The following ELAVL2 variants were observed in gnomAD, a reference collection of about 807,000 sequenced individuals.
ELAVL2 encodes ELAV-like protein 2.
In ELAVL2, 4 loss-of-function variants were observed where a neutral mutation model predicts 34.6. The ratio of observed to expected loss-of-function variants is 0.12; its 90% CI spans 0.06 to 0.26. The LOEUF is 0.26. Ranked by LOEUF, ELAVL2 falls within the 10% of genes least tolerant of loss-of-function variation. The pLI is 1.00. For missense variants in ELAVL2, 432 were observed against 442.8 expected (o/e 0.98, Z 0.22); for synonymous variants, 193 against 154.8 (o/e 1.25, Z -1.83).
At chr9:23,808,466 A>C (rs930351019) in intron 1 of ELAVL2, among the ~76,000 whole-genome samples, 7 of 152,270 alleles carry the variant, frequency 4.6e-5, no homozygotes, top group Non-Finnish European at 8.8e-5. Context: ...TCACATGTAA[A>C]CTGGCAAAAT....
chr9:23,820,838 G>A (rs902883981), intron 1 of ELAVL2, among the ~76,000 whole-genome samples: 7 of 152,210 alleles, frequency 4.6e-5, no homozygotes, highest in Admixed American at 1.3e-4. Context: ...GGCCTCGCCC[G>A]GCAGAGCGCC....
chr9:23,774,478 C>G lies in ELAVL2; in HGVS notation c.-15-12229G>C, dbSNP rs996356161. Among the ~76,000 whole-genome samples the G allele has an allele frequency of 2.6e-5, 4 of 152,220 alleles. No individual in the cohort carries two copies. In the South Asian group the frequency reaches 6.2e-4, roughly 24 times the overall value. ...TGTTAAACTACATTTAGCACAGTCA[C>G]AAACGGTGACTAAGGAAGTTAAAAA... On this transcript the variant is annotated intron_variant, in intron 1 of 6. Transcript: ENST00000397312.
intron 3 of ELAVL2, among the ~76,000 whole-genome samples, chr9:23,725,005 T>C (rs959998585): frequency 6.6e-6 from 1 of 152,174 alleles, no homozygotes; most frequent in Admixed American, 6.6e-5. Context: ...GGTTTTTAAA[T>C]GAGGGGTACT....
chr9:23,754,854 G>A (rs980059331), intron 2 of ELAVL2, among the ~76,000 whole-genome samples: 1 of 151,982 alleles, frequency 6.6e-6, no homozygotes, highest in African/African-American at 2.4e-5. Flanking sequence ...TAAAAGCAGA[G>A]TATAAATTTC....
chr9:23,821,761 G>A (rs905088639), intron 1 of ELAVL2: 5 of 149,348 alleles, frequency 3.3e-5, no homozygotes, highest in Admixed American at 6.6e-5. Flanking sequence ...CCCCACCCGC[G>A]CCGCGCCGCG....
intron 3 of ELAVL2, among the ~76,000 whole-genome samples, chr9:23,719,767 G>A (rs1468384713): frequency 2.0e-5 from 3 of 151,702 alleles, no homozygotes; most frequent in Non-Finnish European, 4.4e-5. Flanking sequence ...AAGGAAGAGG[G>A]GTTTGGTTGG....
chr9:23,695,961 A>T (rs1325320165), intron 5 of ELAVL2, among the ~76,000 whole-genome samples: 2 of 152,138 alleles, frequency 1.3e-5, no homozygotes, highest in South Asian at 4.1e-4. Context: ...GGAGGTTTCG[A>T]ATTTTTTATA....
intron 1 of ELAVL2, among the ~76,000 whole-genome samples, chr9:23,812,174 G>T (rs1299497985): frequency 6.6e-6 from 1 of 151,960 alleles, no homozygotes; most frequent in Admixed American, 6.6e-5. Context: ...AGAGACCAAG[G>T]AATATGAGGT....
At chr9:23,759,457 T>C (rs548213709) in intron 2 of ELAVL2, among the ~76,000 whole-genome samples, 1 of 151,726 alleles carries the variant, frequency 6.6e-6, no homozygotes, top group African/African-American at 2.4e-5. Context: ...AGGGTCACTG[T>C]TAAAAGAAAT....
chr9:23,846,107 G>A, the ELAVL2 span, among the ~76,000 whole-genome samples: 2 of 151,792 alleles, frequency 1.3e-5, no homozygotes, highest in African/African-American at 4.8e-5. Flanking sequence ...AAACAAAAAA[G>A]ATCAAAATTA....
chr9:23,789,924 G>A (rs1281562414), intron 1 of ELAVL2, among the ~76,000 whole-genome samples: 1 of 152,068 alleles, frequency 6.6e-6, no homozygotes, highest in Admixed American at 6.6e-5. Context: ...TATACAGGTA[G>A]GACACTCAGA....
chr9:23,833,096 G>T, the ELAVL2 span, among the ~76,000 whole-genome samples: 3 of 151,892 alleles, frequency 2.0e-5, no homozygotes, highest in African/African-American at 7.2e-5. Flanking sequence ...GTGTATGGAT[G>T]AATTAGTGCT....
chr9:23,779,979 TAAAAAAAAAAAAA>T (rs61251366), intron 1 of ELAVL2, among the ~76,000 whole-genome samples: 1 of 48,254 alleles, frequency 2.1e-5, no homozygotes, highest in Non-Finnish European at 4.0e-5. Context: ...TAGTGTTCCT[TAAAAAAAAAAAAA>T]AAAAAAAAAA....
chr9:23,723,928 T>C (rs1485782658), intron 3 of ELAVL2, among the ~76,000 whole-genome samples: 1 of 152,160 alleles, frequency 6.6e-6, no homozygotes, highest in East Asian at 1.9e-4. Context: ...ATACAAGTTA[T>C]TACTTCTGTG....
chr9:23,807,206 T>C (rs2062351731), intron 1 of ELAVL2, among the ~76,000 whole-genome samples: 1 of 152,180 alleles, frequency 6.6e-6, no homozygotes, highest in Non-Finnish European at 1.5e-5. Flanking sequence ...AATAATCTAA[T>C]AAGGTGGTCA....
the ELAVL2 span, among the ~76,000 whole-genome samples, chr9:23,835,883 C>T: frequency 6.6e-5 from 10 of 152,222 alleles, no homozygotes; most frequent in South Asian, 1.9e-3. Context: ...TTTCAAGCTT[C>T]AATAGGCGTC....
chr9:23,797,812 G>A (rs530747176), intron 1 of ELAVL2, among the ~76,000 whole-genome samples: 58 of 152,184 alleles, frequency 3.8e-4, no homozygotes, highest in South Asian at 1.0e-3. Context: ...CCTGTAATCC[G>A]AGCTACTCGG....
At chr9:23,792,473 T>C (rs1037989157) in intron 1 of ELAVL2, among the ~76,000 whole-genome samples, 1 of 152,144 alleles carries the variant, frequency 6.6e-6, no homozygotes, top group African/African-American at 2.4e-5. Flanking sequence ...CCAATTCCCA[T>C]GAGACCAGGG....
chr9:23,712,669 A>G (rs2041290909), intron 3 of ELAVL2, among the ~76,000 whole-genome samples: 1 of 152,132 alleles, frequency 6.6e-6, no homozygotes, highest in South Asian at 2.1e-4. Flanking sequence ...AAGATTACAA[A>G]CCAATTAACA....
Sources: gnomAD v4.1 joint callset for allele counts (sites outside exome capture counted in the v4.1 genomes callset) on GRCh38, gnomAD v4.1.1 for gene constraint, MANE v1.5 for transcripts, NCBI Gene and HGNC (gene_info 2026-07-23, HGNC 2026-07-21) for gene names.